ORC2: variants seen among roughly 807,000 people sequenced by gnomAD.
The protein encoded by ORC2 is origin recognition complex protein 2 homolog.
A neutral mutation model predicts 77.7 loss-of-function variants in ORC2; 37 were observed. The observed-to-expected ratio is 0.48, with a 90% CI of 0.37 to 0.63. The LOEUF (loss-of-function observed/expected upper bound fraction) is 0.63. Among genes scored for constraint, ORC2 ranks in the 20% least tolerant of loss-of-function variants. The pLI is 0.00. For synonymous variants in ORC2, 201 were observed against 229.5 expected, an observed-to-expected ratio of 0.88 and a Z score of 1.12; for missense variants, 557 against 661.9, an observed-to-expected ratio of 0.84 and a Z score of 1.74.
In ORC2 at chr2:200,931,413, A is replaced by G; in HGVS notation, c.843T>C (p.Pro281=). ...GTTGTTTAAGTTCGGCAGAAAAGGA[A>G]GGGGAAACCTTGCTCAATAAGTTAC... ...TLRNLLSKVS[P]SFSAELKQLN... is the part of the protein sequence containing the mutation. The change falls in exon 11 of 18, where the codon CCT becomes CCC. Residue 281 remains proline, a synonymous_variant. Transcript: ENST00000234296. The G allele has an allele frequency of 6.5e-7, 1 of 1,543,380 alleles. No individual in the cohort carries two copies. Among genetic ancestry groups the G allele is most frequent in the South Asian group, 1.2e-5 (1 of 81,470 alleles).
At chr2:200,924,504 G>A (rs189220451) in intron 13 of ORC2, among the ~76,000 whole-genome samples, 131 of 152,182 alleles carry the variant, frequency 8.6e-4, no homozygotes, top group Non-Finnish European at 1.0e-4. Context: ...AAAGTACTAC[G>A]GAACAGAGCT....
At chr2:200,953,265 A>AAACCACAC (rs1241210973) in intron 4 of ORC2, among the ~76,000 whole-genome samples, 4 of 150,048 alleles carry the variant, frequency 2.7e-5, no homozygotes, top group African/African-American at 9.7e-5. Context: ...ATAATATAGA[A>AAACCACAC]AACCACACAT....
Position 200,963,605 on chromosome 2 carries a change from G to A in ORC2, c.-175C>T, listed in dbSNP as rs1248685572. On this transcript the variant is annotated 5_prime_UTR_variant, in exon 1 of 18. Coordinates refer to ENST00000234296, the MANE Select transcript of ORC2 (RefSeq NM_006190.5). The stretch of plus-strand genomic sequence containing the variant: ...CCCCAACGGGAAAAGCCAATTTCCA[G>A]TAATTCGCGCCCGACCACCGGGGAG... 6 of 398,386 alleles carry A rather than the reference G, an allele frequency of 1.5e-5. No homozygotes were observed. Among genetic ancestry groups the A allele is most frequent in the Middle Eastern group, 6.2e-4 (1 of 1,610 alleles). The allele number at this position is 398,386 out of a possible 1,614,324, so 24.7% of individuals were successfully genotyped here.
chr2:200,931,755 G>C (rs1304011288), intron 10 of ORC2, among the ~76,000 whole-genome samples: 1 of 152,028 alleles, frequency 6.6e-6, no homozygotes, highest in Non-Finnish European at 1.5e-5. Flanking sequence ...AACATTAAAG[G>C]TTCTTTATAA....
intron 12 of ORC2, 71 bp downstream of exon 12, chr2:200,926,697 T>A: frequency 6.7e-7 from 1 of 1,496,830 alleles, no homozygotes; most frequent in Non-Finnish European, 9.2e-7. Context: ...TAATACTCCA[T>A]CCTCATTTAT....
chr2:200,939,100 A>T (rs2041101566), intron 7 of ORC2, among the ~76,000 whole-genome samples: 1 of 152,056 alleles, frequency 6.6e-6, no homozygotes, highest in Non-Finnish European at 1.5e-5. Flanking sequence ...TTACCAATGG[A>T]ATTACAGTAT....
chr2:200,956,835 A>G (rs1052561274), intron 4 of ORC2, among the ~76,000 whole-genome samples: 1 of 152,208 alleles, frequency 6.6e-6, no homozygotes, highest in Non-Finnish European at 1.5e-5. Context: ...ATGCAGCCAT[A>G]AAAGGAATGA....
At chr2:200,914,127 C>A in intron 15 of ORC2, 135 bp from the exon 16 acceptor site, 8 of 548,680 alleles carry the variant, frequency 1.5e-5, no homozygotes, top group Admixed American at 3.5e-5. Flanking sequence ...CAAGGAATAT[C>A]ATATCCTTGC....
chr2:200,961,933 A>C (rs184239720), intron 1 of ORC2, among the ~76,000 whole-genome samples: 1 of 152,330 alleles, frequency 6.6e-6, no homozygotes, highest in Non-Finnish European at 1.5e-5. Context: ...ATTTTCTAGG[A>C]AAATTTAAAA....
intron 15 of ORC2, 39 bp from the exon 16 acceptor site, chr2:200,914,031 G>C: frequency 7.7e-7 from 1 of 1,296,724 alleles, no homozygotes; most frequent in South Asian, 1.3e-5. Context: ...ATCCAAAAAT[G>C]TTAACATCAA....
chr2:200,937,757 TG>T, intron 8 of ORC2, 148 bp downstream of exon 8: 1 of 598,500 alleles, frequency 1.7e-6, no homozygotes, highest in Non-Finnish European at 3.0e-6. Context: ...CTGACTACAA[TG>T]TGAAAGACAT....
At chr2:200,959,097 T>A (rs2041523665) in intron 2 of ORC2, among the ~76,000 whole-genome samples, 1 of 152,110 alleles carries the variant, frequency 6.6e-6, no homozygotes, top group Non-Finnish European at 1.5e-5. Context: ...AATCCTCCCA[T>A]CTCAACCTCT....
chr2:200,942,051 G>A (rs181871353), intron 6 of ORC2, among the ~76,000 whole-genome samples: 190 of 151,938 alleles, frequency 1.3e-3, no homozygotes, highest in Non-Finnish European at 1.8e-3. Context: ...ACAATGCGGT[G>A]TGCTTATAGG....
At chr2:200,930,434 T>C (rs755001807) in intron 11 of ORC2, among the ~76,000 whole-genome samples, 1 of 151,822 alleles carries the variant, frequency 6.6e-6, no homozygotes, top group Non-Finnish European at 1.5e-5. Flanking sequence ...TTATAATGCA[T>C]AGATCCATAA....
At chr2:200,961,280 C>G (rs2041566187) in intron 1 of ORC2, among the ~76,000 whole-genome samples, 1 of 152,144 alleles carries the variant, frequency 6.6e-6, no homozygotes, top group African/African-American at 2.4e-5. Flanking sequence ...TCACCTCAGC[C>G]TCCTGAACAG....
rs2041034984 is a variant in ORC2 at position 200,935,852 on chromosome 2, A to C, written c.555T>G (p.Ala185=). ...CCCCTTCATCATCCTCTGAGTTGGA[A>C]GCAGAATATTCGCTTTCACTGTCAG... ...SHSDSESEYS[A]SNSEDDEGVA... is the part of the protein sequence containing the mutation. The change falls in exon 9 of 18, where the codon GCT becomes GCG. Residue 185 remains alanine (A), a synonymous_variant. Coordinates refer to ENST00000234296, the MANE Select transcript of ORC2 (RefSeq NM_006190.5). The C allele has an allele frequency of 1.2e-6, 2 of 1,613,928 alleles. No homozygotes were observed. The highest frequency in any genetic ancestry group is 1.1e-5 in the South Asian group (1 of 91,024).
intron 4 of ORC2, among the ~76,000 whole-genome samples, chr2:200,956,373 G>A (rs1218333123): frequency 8.5e-5 from 13 of 152,122 alleles, no homozygotes; most frequent in Admixed American, 7.2e-4. Context: ...GGGACCACAG[G>A]TGTGTGCCAC....
intron 13 of ORC2, among the ~76,000 whole-genome samples, chr2:200,924,275 A>G (rs1298447024): frequency 6.6e-6 from 1 of 151,938 alleles, no homozygotes; most frequent in Non-Finnish European, 1.5e-5. Context: ...TGGGCCCAGG[A>G]GATTTAGGAT....
At chr2:200,926,144 A>C (rs570215900) in intron 12 of ORC2, among the ~76,000 whole-genome samples, 1 of 152,188 alleles carries the variant, frequency 6.6e-6, no homozygotes, top group Non-Finnish European at 1.5e-5. Flanking sequence ...AAAGAATAGC[A>C]AAGATGTACA....
Sources: gnomAD v4.1 joint callset for allele counts (sites outside exome capture counted in the v4.1 genomes callset) on GRCh38, gnomAD v4.1.1 for gene constraint, MANE v1.5 for transcripts, NCBI Gene and HGNC (gene_info 2026-07-23, HGNC 2026-07-21) for gene names.